LAYN: variants seen among roughly 807,000 people sequenced by gnomAD.
LAYN encodes layilin.
Under a neutral mutation model 43.6 loss-of-function variants are expected in LAYN, and 38 were observed. The observed-to-expected ratio is 0.87, with a 90% CI of 0.67 to 1.14. The LOEUF is 1.14. Among genes scored for constraint, LAYN ranks in the 50% most tolerant of loss-of-function variants. LAYN has a pLI of 0.00. For missense variants in LAYN, 479 were observed against 463.8 expected (o/e 1.03, Z -0.30); for synonymous variants, 168 against 172.9 (o/e 0.97, Z 0.22).
Position 111,540,742 on chromosome 11 carries a change from A to G in LAYN, c.-102A>G. On this transcript the variant is annotated 5_prime_UTR_variant, in exon 1 of 7. Transcript: ENST00000375614. ...CCCGTGCGGTCCGTCGGTGGCCTAG[A>G]GATGCTGCTGCCGCGGTTGCAGTTG... 2.5e-6 allele frequency: 3 copies of G among 1,190,472 alleles called. No homozygotes were observed. The highest frequency in any genetic ancestry group is 3.4e-6 in the Non-Finnish European group (3 of 877,682). 73.7% of individuals were successfully genotyped at this position (1,190,472 alleles called of 1,614,324 possible). A position where few individuals can be genotyped will look rare whatever the true frequency, so the allele number is the denominator to read the frequency against.
At chr11:111,551,288 T>C in intron 3 of LAYN, 2 of 455,548 alleles carry the variant, frequency 4.4e-6, no homozygotes, top group Non-Finnish European at 8.8e-6. Flanking sequence ...GACTTCTCTT[T>C]CCTTCTATCC....
In LAYN at chr11:111,561,643, C is replaced by T. The variant is rs900117233; in HGVS notation, c.*1185C>T. ...ATTATTTAAATCACCAGCAATTTCC[C>T]TCAATCAGCTTCATAATCTCATATT... is the stretch of plus-strand genomic sequence containing the variant. On this transcript the variant is annotated 3_prime_UTR_variant, in exon 7 of 7. Coordinates refer to ENST00000375614, the MANE Select transcript of LAYN (RefSeq NM_178834.5). 1.3e-5 allele frequency: 2 copies of T among 152,142 alleles called. No individual in the cohort carries two copies. The highest frequency in any genetic ancestry group is 4.8e-5 in the African/African-American group (2 of 41,440). 9.4% of individuals were successfully genotyped at this position (152,142 alleles called of 1,614,324 possible). A position where few individuals can be genotyped will look rare whatever the true frequency, so the allele number is the denominator to read the frequency against.
intron 3 of LAYN, among the ~76,000 whole-genome samples, chr11:111,553,049 T>A (rs919142837): frequency 1.3e-5 from 2 of 152,098 alleles, no homozygotes; most frequent in Non-Finnish European, 2.9e-5. Context: ...CCTCCCATCC[T>A]GGCTAACACT....
At chr11:111,541,079 C>G in intron 1 of LAYN, 151 bp downstream of exon 1, 2 of 731,978 alleles carry the variant, frequency 2.7e-6, no homozygotes, top group Non-Finnish European at 4.4e-6. Flanking sequence ...CTCTTGCGTT[C>G]TGGGGGCAGT....
rs1867523702 is a variant in LAYN at position 111,540,947 on chromosome 11, G to GCGGGGGCTGGTGC, written c.85+25_85+37dup. 4 of 1,528,444 alleles carry GCGGGGGCTGGTGC rather than the reference G, an allele frequency of 2.6e-6. No homozygotes were observed. Among genetic ancestry groups the GCGGGGGCTGGTGC allele is most frequent in the Non-Finnish European group, 3.5e-6 (4 of 1,143,578 alleles). The allele number at this position is 1,528,444 out of a possible 1,614,324, so 94.7% of individuals were successfully genotyped here. ...CTGAGTGGTGAGTGCGCGCGCTGGG[G>GCGGGGGCTGGTGC]CGGGGGCTGGTGCCGGGGTGGGCTC... is the stretch of plus-strand genomic sequence containing the variant. On this transcript the variant is annotated intron_variant, in intron 1 of 6. Transcript: ENST00000375614.
At chr11:111,545,055 A>AATATATATATATAT (rs36063658) in intron 2 of LAYN, among the ~76,000 whole-genome samples, 16 of 82,532 alleles carry the variant, frequency 1.9e-4, no homozygotes, top group African/African-American at 4.8e-4. Flanking sequence ...AAATTTAACA[A>AATATATATATATAT]ATATATATAT....
chr11:111,559,201 T>C (rs1269598998), intron 6 of LAYN, among the ~76,000 whole-genome samples: 1 of 152,224 alleles, frequency 6.6e-6, no homozygotes, highest in Non-Finnish European at 1.5e-5. Context: ...TAGTAATACA[T>C]GTACTCCTTT....
In LAYN at chr11:111,560,591, C is replaced by A; in HGVS notation, c.*133C>A. 1 of 981,138 alleles carries A rather than the reference C, an allele frequency of 1.0e-6. No individual in the cohort carries two copies. Among genetic ancestry groups the A allele is most frequent in the Non-Finnish European group, 1.5e-6 (1 of 677,646 alleles). 60.8% of individuals were successfully genotyped at this position (981,138 alleles called of 1,614,324 possible). On this transcript the variant is annotated 3_prime_UTR_variant, in exon 7 of 7. Coordinates refer to ENST00000375614, the MANE Select transcript of LAYN (RefSeq NM_178834.5). The stretch of plus-strand genomic sequence containing the variant: ...AGGTCCTGTGGATGAGCATGTGGTC[C>A]CCACGACCTCCTGTTGGACCCCCAC...
At chr11:111,550,351 T>C (rs1867722429) in intron 3 of LAYN, among the ~76,000 whole-genome samples, 1 of 152,222 alleles carries the variant, frequency 6.6e-6, no homozygotes, top group Non-Finnish European at 1.5e-5. Flanking sequence ...TCTGTTAGGG[T>C]TTTGAACTGG....
At chr11:111,548,082 C>A (rs1867678046) in intron 2 of LAYN, among the ~76,000 whole-genome samples, 1 of 152,216 alleles carries the variant, frequency 6.6e-6, no homozygotes, top group Non-Finnish European at 1.5e-5. Flanking sequence ...CTGGGCCAGA[C>A]CTCTACTTAA....
At position 111,540,898 on chromosome 11, in the gene LAYN, C is replaced by T. The variant is rs1252099247; in HGVS notation, c.55C>T (p.Leu19=). The T allele has an allele frequency of 2.6e-6, 4 of 1,532,396 alleles. No homozygotes were observed. Among genetic ancestry groups the T allele is most frequent in the African/African-American group, 1.4e-5 (1 of 72,998 alleles). The allele number at this position is 1,532,396 out of a possible 1,614,324, so 94.9% of individuals were successfully genotyped here. Residue 19 remains leucine, a synonymous_variant, in exon 1 of 7, where the codon CTG becomes TTG. Coordinates refer to ENST00000375614, the MANE Select transcript of LAYN (RefSeq NM_178834.5). The stretch of plus-strand genomic sequence containing the variant: ...GCTGCTGGCCGTGCTGCTGGTGGGG[C>T]TGCGGGCCGCGACGGGTCGCCTGCT... The part of the protein sequence containing the change: ...AVLLAVLLVG[L]RAATGRLLSG...
Position 111,544,142 on chromosome 11 carries a change from G to A in LAYN, c.305G>A (p.Arg102Lys), listed in dbSNP as rs1282716025. 6.2e-7 allele frequency: 1 copy of A among 1,614,058 alleles called. No individual in the cohort carries two copies. Among genetic ancestry groups the A allele is most frequent in the Admixed American group, 1.7e-5 (1 of 60,008 alleles). The change falls in exon 2 of 7, where the codon AGG (arginine) becomes AAG (lysine). Residue 102 changes from arginine (R) to lysine (K), a missense_variant. Physicochemically the swap from Arg to Lys is conservative, Grantham distance 26. Transcript: ENST00000375614. ...GGTGACTTCTGGATTGGGCTCAGGAGGCGTGAGGAGAAACAAAGCAATAGC... is the reference window on the plus strand; with the variant it reads ...GGTGACTTCTGGATTGGGCTCAGGAAGCGTGAGGAGAAACAAAGCAATAGC... ...SDGDFWIGLR[R>K]REEKQSNSTA... is the part of the protein sequence containing the mutation.
intron 5 of LAYN, among the ~76,000 whole-genome samples, chr11:111,556,661 T>A (rs1363889275): frequency 3.3e-5 from 5 of 152,198 alleles, no homozygotes; most frequent in Admixed American, 1.3e-4. Context: ...GGGTGGCATT[T>A]CTATTGCTCA....
chr11:111,541,696 G>A, intron 1 of LAYN: 4 of 912,340 alleles, frequency 4.4e-6, no homozygotes, highest in South Asian at 1.4e-5. Context: ...TGACCAAACG[G>A]GACAGAGGAG....
chr11:111,540,903 G>A lies in LAYN; in HGVS notation c.60G>A (p.Arg20=). The A allele has an allele frequency of 4.6e-6, 7 of 1,532,324 alleles. No individual in the cohort carries two copies. The highest frequency in any genetic ancestry group is 6.1e-6 in the Non-Finnish European group (7 of 1,145,724). 94.9% of individuals were successfully genotyped at this position (1,532,324 alleles called of 1,614,324 possible). A position where few individuals can be genotyped will look rare whatever the true frequency, so the allele number is the denominator to read the frequency against. Residue 20 remains arginine, a synonymous_variant, in exon 1 of 7, where the codon CGG becomes CGA. Coordinates refer to ENST00000375614, the MANE Select transcript of LAYN (RefSeq NM_178834.5). ...TGGCCGTGCTGCTGGTGGGGCTGCG[G>A]GCCGCGACGGGTCGCCTGCTGAGTG... ...VLLAVLLVGL[R]AATGRLLSGQ... is the part of the protein sequence containing the mutation.
At chr11:111,541,483 C>A in intron 1 of LAYN, 1 of 1,377,716 alleles carries the variant, frequency 7.3e-7, no homozygotes, top group Non-Finnish European at 1.0e-6. Flanking sequence ...CGGGAAAGAA[C>A]TCCAGTTAGT....
rs189966249 is a variant in LAYN, at chr11:111,553,295, G to A, written c.542-1266G>A. Among the ~76,000 whole-genome samples, 16 of 152,060 alleles carry A rather than the reference G, an allele frequency of 1.1e-4. No individual in the cohort carries two copies. The East Asian group carries it at 2.9e-3, about 27-fold the overall frequency. On this transcript the variant is annotated intron_variant, in intron 3 of 6. Coordinates refer to ENST00000375614, the MANE Select transcript of LAYN (RefSeq NM_178834.5). ...ACAATAATAATAAGGCTGTTATCAG[G>A]ATTAATTGAGTTTGATTTTATAAAA... is the stretch of plus-strand genomic sequence containing the variant.
At position 111,540,801 on chromosome 11, in the gene LAYN, C is replaced by G; in HGVS notation, c.-43C>G. ...GCCTCTGCCCGCCAGCCCGCTCCACCGCCGTAGCGCCCGAGTGTCGGGGGG... is the reference window on the plus strand; with the variant it reads ...GCCTCTGCCCGCCAGCCCGCTCCACGGCCGTAGCGCCCGAGTGTCGGGGGG... On this transcript the variant is annotated 5_prime_UTR_variant, in exon 1 of 7. Coordinates refer to ENST00000375614, the MANE Select transcript of LAYN (RefSeq NM_178834.5). 6.6e-7 allele frequency: 1 copy of G among 1,505,832 alleles called. No homozygotes were observed. Among genetic ancestry groups the G allele is most frequent in the African/African-American group, 1.4e-5 (1 of 69,530 alleles). 93.3% of individuals were successfully genotyped at this position (1,505,832 alleles called of 1,614,324 possible).
chr11:111,550,775 G>A (rs541399051), intron 3 of LAYN, among the ~76,000 whole-genome samples: 5 of 152,128 alleles, frequency 3.3e-5, no homozygotes, highest in Non-Finnish European at 7.4e-5. Flanking sequence ...CAAGGCACTT[G>A]TTACATACTG....
Sources: allele counts gnomAD v4.1 joint callset (sites outside exome capture counted in the v4.1 genomes callset), GRCh38; gene constraint gnomAD v4.1.1; transcripts MANE v1.5; gene names NCBI Gene and HGNC (gene_info 2026-07-23, HGNC 2026-07-21).